COBL: variants seen among roughly 807,000 people sequenced by gnomAD.
COBL encodes the protein cordon-bleu WH2 repeat protein.
A neutral mutation model predicts 98.8 loss-of-function variants in COBL; 51 were observed. The observed-to-expected ratio is 0.52, with a 90% CI of 0.41 to 0.65. The LOEUF (loss-of-function observed/expected upper bound fraction) is 0.65. COBL is among the 30% of genes least tolerant of loss of function. COBL has a pLI of 0.00. For missense variants in COBL, 1,617 were observed against 1,617.5 expected (o/e 1.00, Z 0.01); for synonymous variants, 634 against 651.7 (o/e 0.97, Z 0.41).
chr7:51,226,905 C>T (rs546542318), intron 1 of COBL, among the ~76,000 whole-genome samples: 1 of 152,302 alleles, frequency 6.6e-6, no homozygotes, highest in East Asian at 1.9e-4. Flanking sequence ...GACAGGGTGG[C>T]TGAGTATCCA....
chr7:51,170,190 C>A (rs1021446736), intron 5 of COBL, among the ~76,000 whole-genome samples: 5 of 151,948 alleles, frequency 3.3e-5, no homozygotes, highest in Non-Finnish European at 7.4e-5. Flanking sequence ...AAAACATCTA[C>A]ACTTTTCTTT....
intron 1 of COBL, among the ~76,000 whole-genome samples, chr7:51,220,212 C>T (rs1319751180): frequency 1.3e-5 from 2 of 152,174 alleles, no homozygotes; most frequent in African/African-American, 4.8e-5. Flanking sequence ...TTCACAGGAT[C>T]TGGTCAAGGG....
intron 7 of COBL, among the ~76,000 whole-genome samples, chr7:51,063,428 C>A (rs574057694): frequency 1.3e-5 from 2 of 152,238 alleles, no homozygotes. Context: ...AGCCACTGTG[C>A]CCGGCCTAAC....
intron 5 of COBL, among the ~76,000 whole-genome samples, chr7:51,151,914 C>A (rs1486607148): frequency 6.6e-6 from 1 of 152,244 alleles, no homozygotes; most frequent in Non-Finnish European, 1.5e-5. Context: ...ATGGCCAGCA[C>A]CCTCAGCCGC....
chr7:51,310,491 G>A (rs1311895859), intron 1 of COBL, among the ~76,000 whole-genome samples: 1 of 152,206 alleles, frequency 6.6e-6, no homozygotes, highest in African/African-American at 2.4e-5. Context: ...CTGGCCCTCG[G>A]CAGCCTCTGT....
At chr7:51,054,086 CAGA>C (rs1790491710) in intron 7 of COBL, among the ~76,000 whole-genome samples, 1 of 152,136 alleles carries the variant, frequency 6.6e-6, no homozygotes, top group South Asian at 2.1e-4. Context: ...GAGGCTGAGG[CAGA>C]AGAATTGCTT....
intron 9 of COBL, 121 bp from the exon 10 acceptor site, chr7:51,029,712 A>G (rs1562818244): frequency 7.3e-6 from 6 of 817,648 alleles, no homozygotes; most frequent in Non-Finnish European, 1.1e-5. Flanking sequence ...ATACGTTTTA[A>G]AATGTTATTT....
intron 6 of COBL, among the ~76,000 whole-genome samples, chr7:51,107,105 T>C (rs1013401463): frequency 3.5e-4 from 51 of 147,206 alleles, no homozygotes; most frequent in African/African-American, 1.3e-3. Context: ...TTTTTTTTTT[T>C]TTTTTTTGAG....
At chr7:51,085,544 G>C (rs901139026) in intron 6 of COBL, among the ~76,000 whole-genome samples, 3 of 152,142 alleles carry the variant, frequency 2.0e-5, no homozygotes, top group Admixed American at 1.3e-4. Context: ...GTTGCTCATA[G>C]ACACCCCAAA....
chr7:51,302,296 T>C (rs1802049969), intron 1 of COBL, among the ~76,000 whole-genome samples: 1 of 152,174 alleles, frequency 6.6e-6, no homozygotes, highest in African/African-American at 2.4e-5. Flanking sequence ...GATTCACAAT[T>C]CTGGACTGGG....
intron 5 of COBL, among the ~76,000 whole-genome samples, chr7:51,151,519 A>G (rs1785554864): frequency 6.6e-6 from 1 of 152,236 alleles, no homozygotes; most frequent in Admixed American, 6.5e-5. Context: ...AAGAAGGTGA[A>G]AAACTAACGT....
At chr7:51,164,461 A>T (rs979223483) in intron 5 of COBL, among the ~76,000 whole-genome samples, 26 of 152,160 alleles carry the variant, frequency 1.7e-4, no homozygotes, top group Non-Finnish European at 3.1e-4. Context: ...AGAGAGTGAC[A>T]TAACATATTT....
In COBL at chr7:51,043,696, G is replaced by C. The variant is rs1225289145; in HGVS notation, c.1097-4C>G. 1 of 1,610,656 alleles carries C rather than the reference G, an allele frequency of 6.2e-7. No individual in the cohort carries two copies. The highest frequency in any genetic ancestry group is 8.5e-7 in the Non-Finnish European group (1 of 1,178,962). On this transcript the variant is annotated splice_polypyrimidine_tract_variant and splice_region_variant and intron_variant, in intron 7 of 12. Transcript: ENST00000265136. ...CCAGACCCCAGGGGCAGGCTTACTG[G>C]ACAAGACACGGCAAGGACAGGTCAG...
intron 3 of COBL, among the ~76,000 whole-genome samples, chr7:51,191,482 T>G (rs1044741462): frequency 3.3e-5 from 5 of 151,322 alleles, no homozygotes; most frequent in Non-Finnish European, 7.4e-5. Flanking sequence ...AAACATGACA[T>G]CAAAGTTTTA....
At chr7:51,264,508 T>C (rs1391802876) in intron 1 of COBL, among the ~76,000 whole-genome samples, 2 of 151,308 alleles carry the variant, frequency 1.3e-5, no homozygotes, top group Non-Finnish European at 2.9e-5. Context: ...CCGTCTCTAC[T>C]AAAAATACAA....
intron 2 of COBL, among the ~76,000 whole-genome samples, chr7:51,203,298 T>C (rs1029006585): frequency 1.7e-5 from 2 of 118,718 alleles, no homozygotes; most frequent in African/African-American, 8.1e-5. Flanking sequence ...CCGTCTCTAC[T>C]AAAAATACAA....
chr7:51,088,449 T>C (rs890554281), intron 6 of COBL, among the ~76,000 whole-genome samples: 1 of 152,140 alleles, frequency 6.6e-6, no homozygotes, highest in East Asian at 1.9e-4. Context: ...CTTCTTGTTA[T>C]GTATTTTAAA....
At chr7:51,177,775 A>T (rs372102410) in intron 5 of COBL, among the ~76,000 whole-genome samples, 9 of 142,840 alleles carry the variant, frequency 6.3e-5, no homozygotes, top group African/African-American at 1.8e-4. Context: ...CTGTCTCAAA[A>T]AAATAAATAA....
chr7:51,171,048 C>A (rs1787823296), intron 5 of COBL, among the ~76,000 whole-genome samples: 1 of 152,006 alleles, frequency 6.6e-6, no homozygotes, highest in Non-Finnish European at 1.5e-5. Context: ...GATTATGAAT[C>A]AATTAAAAAT....
Sources: allele counts gnomAD v4.1 joint callset (sites outside exome capture counted in the v4.1 genomes callset), GRCh38; gene constraint gnomAD v4.1.1; transcripts MANE v1.5; gene names NCBI Gene and HGNC (gene_info 2026-07-23, HGNC 2026-07-21).